The following ANKRD36C variants were observed in gnomAD, a reference collection of about 807,000 sequenced individuals.
The protein encoded by ANKRD36C is ankyrin repeat domain 36C, also known as ankyrin repeat domain-containing protein 36C.
ANKRD36C carries 61 observed loss-of-function variants against 276.4 expected under a neutral mutation model. The ratio of observed to expected loss-of-function variants is 0.22; its 90% CI spans 0.18 to 0.27. The LOEUF is 0.27. Among genes scored for constraint, ANKRD36C ranks in the 10% least tolerant of loss-of-function variants. The pLI, the probability that ANKRD36C is intolerant of heterozygous loss-of-function variation, is 1.00. For synonymous variants in ANKRD36C, 483 were observed against 680.1 expected, an observed-to-expected ratio of 0.71 and a Z score of 4.51; for missense variants, 1,447 against 2,032.3, an observed-to-expected ratio of 0.71 and a Z score of 5.54.
At chr2:95,856,281 G>C (rs1675410149) in intron 62 of ANKRD36C, 101 bp from the exon 83 acceptor site, 2 of 1,567,472 alleles carry the variant, frequency 1.3e-6, no homozygotes, top group Admixed American at 2.0e-5. Flanking sequence ...TACAATGAGA[G>C]GTTGCCATAA....
At chr2:95,960,986 A>C (rs62155480) in intron 8 of ANKRD36C, among the ~76,000 whole-genome samples, 1 of 148,650 alleles carries the variant, frequency 6.7e-6, no homozygotes, top group African/African-American at 2.4e-5. Context: ...TCAGAGCAGC[A>C]ACTCATACAC....
At chr2:95,853,850 T>C (rs779949471) in exon 64 of ANKRD36C, 3 of 1,608,316 alleles carry the variant, frequency 1.9e-6, no homozygotes, top group Non-Finnish European at 2.5e-6. Context: ...GTTGAAGCTG[T>C]CTCACAGCTA....
At chr2:95,858,841 T>C (rs2104260946) in intron 61 of ANKRD36C, among the ~76,000 whole-genome samples, 1 of 152,290 alleles carries the variant, frequency 6.6e-6, no homozygotes, top group African/African-American at 2.4e-5. Flanking sequence ...ATGTACTTTA[T>C]AACCAATTGT....
At position 95,912,843 on chromosome 2, in the gene ANKRD36C, G is replaced by T. The variant is rs374279313; in HGVS notation, c.2552-408C>A. On this transcript the variant is annotated intron_variant, in intron 40 of 66. Coordinates refer to ENST00000456556, the Ensembl canonical transcript of ANKRD36C. ...AAATCAAAAGGATTTACACCATTAG[G>T]CTACAAACATTCATCATGCTCTTTA... Among the ~76,000 whole-genome samples, 60 of 151,316 alleles carry T rather than the reference G, an allele frequency of 4.0e-4. No individual in the cohort carries two copies. In the East Asian group the frequency reaches 4.1e-3, roughly 10 times the overall value.
At chr2:95,915,779 T>G (rs1034788280) in intron 38 of ANKRD36C, among the ~76,000 whole-genome samples, 1 of 151,468 alleles carries the variant, frequency 6.6e-6, no homozygotes, top group Non-Finnish European at 1.5e-5. Flanking sequence ...AATTGCAATG[T>G]GGGGATGTGT....
At chr2:95,980,551 C>A in intron 5 of ANKRD36C, 97 bp downstream of exon 5, 1 of 1,422,548 alleles carries the variant, frequency 7.0e-7, no homozygotes, top group Non-Finnish European at 9.3e-7. Context: ...CTACTTGAAT[C>A]AAACTATGCA....
intron 46 of ANKRD36C, among the ~76,000 whole-genome samples, chr2:95,890,688 C>T (rs1676323079): frequency 6.6e-6 from 1 of 151,554 alleles, no homozygotes; most frequent in African/African-American, 2.4e-5. Flanking sequence ...AAGATATCAT[C>T]AATTATCAAC....
chr2:95,955,782 C>A (rs1396536282), intron 13 of ANKRD36C, among the ~76,000 whole-genome samples: 2 of 152,144 alleles, frequency 1.3e-5, no homozygotes, highest in African/African-American at 4.8e-5. Context: ...GGTTCTCCAC[C>A]TGAACAACCA....
intron 52 of ANKRD36C, among the ~76,000 whole-genome samples, chr2:95,885,779 T>G (rs1297662726): frequency 6.6e-6 from 1 of 151,812 alleles, no homozygotes; most frequent in African/African-American, 2.4e-5. Flanking sequence ...AGCAAAATGA[T>G]GCTGTCCCCT....
At chr2:95,850,565 T>C (rs1219294987), downstream of ANKRD36C, among the ~76,000 whole-genome samples, 12 of 152,224 alleles carry the variant, frequency 7.9e-5, no homozygotes, top group Non-Finnish European at 1.6e-4. Context: ...TTTGGCTGGA[T>C]GCTAGAACAA....
exon 63 of ANKRD36C, chr2:95,855,358 A>C (rs749707572): frequency 3.1e-6 from 5 of 1,613,118 alleles, no homozygotes; most frequent in Non-Finnish European, 4.2e-6. Context: ...TCTTCTAGTA[A>C]GAGACGGTGC....
At chr2:95,957,415 G>C (rs1275834740) in intron 12 of ANKRD36C, among the ~76,000 whole-genome samples, 1 of 152,304 alleles carries the variant, frequency 6.6e-6, no homozygotes, top group Non-Finnish European at 1.5e-5. Context: ...CTCCTCAGTG[G>C]AAGTGTCCTG....
At chr2:95,902,480 TA>T (rs547118562) in intron 42 of ANKRD36C, among the ~76,000 whole-genome samples, 9,953 of 150,512 alleles carry the variant, frequency 0.066, 1,146 homozygotes, top group African/African-American at 0.21. Context: ...TTAGTTCTCC[TA>T]ACAGTGTCTA....
intron 13 of ANKRD36C, among the ~76,000 whole-genome samples, chr2:95,956,565 G>A (rs1452160739): frequency 2.6e-5 from 4 of 152,246 alleles, no homozygotes; most frequent in Non-Finnish European, 5.9e-5. Context: ...GTGGAATCAT[G>A]AGCCAATATT....
At chr2:95,911,009 C>G (rs1484557743) in intron 42 of ANKRD36C, among the ~76,000 whole-genome samples, 1 of 151,402 alleles carries the variant, frequency 6.6e-6, no homozygotes, top group Non-Finnish European at 1.5e-5. Flanking sequence ...TTAACTTGCC[C>G]AATAACTGAG....
At chr2:95,928,476 G>C (rs568775244) in intron 26 of ANKRD36C, among the ~76,000 whole-genome samples, 113 of 151,588 alleles carry the variant, frequency 7.5e-4, no homozygotes, top group African/African-American at 2.7e-3. Flanking sequence ...AGTAGTTCTT[G>C]GAGCAGCCAA....
downstream of ANKRD36C, among the ~76,000 whole-genome samples, chr2:95,850,527 G>C (rs1449134885): frequency 6.6e-6 from 1 of 152,202 alleles, no homozygotes; most frequent in African/African-American, 2.4e-5. Flanking sequence ...AGGTGAAGAC[G>C]ATCACTGTGG....
In ANKRD36C at chr2:95,938,326, T is replaced by A. The variant is rs1677773973; in HGVS notation, c.1633+503A>T. 2.0e-5 allele frequency among the ~76,000 whole-genome samples: 3 copies of A among 152,306 alleles called. No individual in the cohort carries two copies. In the South Asian group the frequency reaches 6.2e-4, roughly 31 times the overall value. ...CAAAGAGTTACAAAAGAATGATTAA[T>A]CATTTTATTCATTTTTAATCAGAGA... On this transcript the variant is annotated intron_variant, in intron 22 of 66. Coordinates refer to ENST00000456556, the Ensembl canonical transcript of ANKRD36C.
In ANKRD36C at chr2:95,902,882, T is replaced by A; in HGVS notation, c.2654-3546A>T. 7 of 1,569,886 alleles carry A rather than the reference T, an allele frequency of 4.5e-6. No homozygotes were observed. Among genetic ancestry groups the A allele is most frequent in the Non-Finnish European group, 6.1e-6 (7 of 1,154,882 alleles). On this transcript the variant is annotated intron_variant, in intron 42 of 66. Transcript: ENST00000456556. ...CATGACATTAAATCTCTTTTCAAAA[T>A]TACCTCTCCTAGTTTTTTCTCCATA...
Sources: allele counts gnomAD v4.1 joint callset (sites outside exome capture counted in the v4.1 genomes callset), GRCh38; gene constraint gnomAD v4.1.1; transcripts MANE v1.5; gene names NCBI Gene and HGNC (gene_info 2026-07-23, HGNC 2026-07-21).